KLHDC2: variants seen among roughly 807,000 people sequenced by gnomAD.
The protein encoded by KLHDC2 is kelch domain containing 2.
A neutral mutation model predicts 62.3 loss-of-function variants in KLHDC2; 38 were observed. The observed-to-expected ratio is 0.61, with a 90% CI of 0.47 to 0.80. The LOEUF is 0.80. KLHDC2 is among the 30% of genes least tolerant of loss of function. KLHDC2 has a pLI of 0.00. For missense variants in KLHDC2, 430 were observed against 495.3 expected, an observed-to-expected ratio of 0.87 and a Z score of 1.25; for synonymous variants, 159 against 161.0, an observed-to-expected ratio of 0.99 and a Z score of 0.09.
At chr14:49,768,648 A>T in intron 1 of KLHDC2, 27 bp downstream of exon 1, 1 of 1,552,538 alleles carries the variant, frequency 6.4e-7, no homozygotes, top group African/African-American at 1.4e-5. Flanking sequence ...GCCGCGACGG[A>T]CGTCGCTCGG....
chr14:49,768,766 G>GT (rs60013308), intron 1 of KLHDC2, 145 bp downstream of exon 1: 14,696 of 575,562 alleles, frequency 0.026, 142 homozygotes, highest in African/African-American at 0.08. Context: ...CCCGTTGGTT[G>GT]TTTTTTTTTT....
Position 49,786,235 on chromosome 14 carries a change from A to G in KLHDC2, c.*3282A>G, listed in dbSNP as rs1856478970. The G allele has an allele frequency of 6.3e-6, 1 of 159,768 alleles. No homozygotes were observed. Among genetic ancestry groups the G allele is most frequent in the Admixed American group, 6.0e-5 (1 of 16,634 alleles). 9.9% of individuals were successfully genotyped at this position (159,768 alleles called of 1,614,324 possible). On this transcript the variant is annotated 3_prime_UTR_variant, in exon 13 of 13. Transcript: ENST00000298307. ...AAAGAATTAACCAACCCCTAATGTT[A>G]ATAGTGCCAAAGTTGAGAAACCCTG...
In KLHDC2 at chr14:49,783,544, T is replaced by TTAA. The variant is rs1380636020; in HGVS notation, c.*594_*596dup. ...AGTCAATTAAAAAGTTTTTTTTTAA[T>TTAA]TAATAGGTTTTATAGCTCATGAAGG... On this transcript the variant is annotated 3_prime_UTR_variant, in exon 13 of 13. Coordinates refer to ENST00000298307, the MANE Select transcript of KLHDC2 (RefSeq NM_014315.3). 1.3e-5 allele frequency: 2 copies of TTAA among 152,062 alleles called. No homozygotes were observed. The highest frequency in any genetic ancestry group is 1.5e-5 in the Non-Finnish European group (1 of 68,020). 9.4% of individuals were successfully genotyped at this position (152,062 alleles called of 1,614,324 possible).
rs1418712387 is a variant in KLHDC2, at chr14:49,771,655, A to G, written c.215A>G (p.Asn72Ser). ...CCTAGAGAAGAACTATGGATCTACA[A>G]CATGGAGACTGGAAGATGGTAAATG... ...YLPREELWIY[N>S]METGRWKKIN... The change falls in exon 2 of 13, where the codon AAC becomes AGC. Residue 72 changes from asparagine to serine, a missense_variant. By Grantham distance (46) the Asn-to-Ser change is conservative. Transcript: ENST00000298307. 5 of 1,512,640 alleles carry G rather than the reference A, an allele frequency of 3.3e-6. No individual in the cohort carries two copies. The highest frequency in any genetic ancestry group is 4.6e-6 in the Non-Finnish European group (5 of 1,087,580). 93.7% of individuals were successfully genotyped at this position (1,512,640 alleles called of 1,614,324 possible).
chr14:49,775,098 C>T (rs900622995), intron 3 of KLHDC2, among the ~76,000 whole-genome samples: 3 of 152,150 alleles, frequency 2.0e-5, no homozygotes, highest in Non-Finnish European at 4.4e-5. Context: ...TGTTAACATT[C>T]CTATAAAGTG....
intron 2 of KLHDC2, among the ~76,000 whole-genome samples, chr14:49,773,790 A>G (rs1192163462): frequency 1.3e-5 from 2 of 151,242 alleles, no homozygotes; most frequent in Non-Finnish European, 2.9e-5. Context: ...GTTAAACAGT[A>G]TGGTCTCGAT....
Position 49,782,477 on chromosome 14 carries a change from A to T in KLHDC2, c.1044+20A>T. On this transcript the variant is annotated intron_variant, in intron 11 of 12. Coordinates refer to ENST00000298307, the MANE Select transcript of KLHDC2 (RefSeq NM_014315.3). ...AGAGCTGTAAGTATACTACCTTCAC[A>T]TTATTACTGAAACTTACTTGCAAAG... 1 of 1,600,626 alleles carries T rather than the reference A, an allele frequency of 6.2e-7. No individual in the cohort carries two copies. The highest frequency in any genetic ancestry group is 8.5e-7 in the Non-Finnish European group (1 of 1,170,184).
intron 5 of KLHDC2, 33 bp downstream of exon 5, chr14:49,778,292 C>T (rs775786165): frequency 7.0e-7 from 1 of 1,425,024 alleles, no homozygotes; most frequent in African/African-American, 1.4e-5. Flanking sequence ...ATATGGCCTC[C>T]TTAGTATGTT....
chr14:49,771,746 T>TA, intron 2 of KLHDC2, 73 bp downstream of exon 2: 3 of 796,552 alleles, frequency 3.8e-6, no homozygotes, highest in Non-Finnish European at 6.7e-6. Flanking sequence ...CTCATGCCTA[T>TA]AATCCCAGCA....
rs572038171 is a variant in KLHDC2, at chr14:49,784,897, A to G, written c.*1944A>G. The G allele has an allele frequency of 6.3e-7, 1 of 1,580,744 alleles. No individual in the cohort carries two copies. Among genetic ancestry groups the G allele is most frequent in the African/African-American group, 1.3e-5 (1 of 74,254 alleles). On this transcript the variant is annotated 3_prime_UTR_variant, in exon 13 of 13. Coordinates refer to ENST00000298307, the MANE Select transcript of KLHDC2 (RefSeq NM_014315.3). ...ATTTTAAATTGTACTGTCAGTCTCC[A>G]CATTCCTTTTCTGAAGGAGAACTTT...
rs772206415 is a variant in KLHDC2, at chr14:49,780,273, A to G, written c.834A>G (p.Ser278=). ...RSWHSLTPVS[S]DHLFLFGGFT... is the part of the protein sequence containing the mutation. ...GGCACTCACTAACACCAGTTTCTTC[A>G]GATCATCTTTTTCTCTTTGGAGGAT... Residue 278 remains serine (S), a synonymous_variant, in exon 9 of 13, where the codon TCA becomes TCG. Coordinates refer to ENST00000298307, the MANE Select transcript of KLHDC2 (RefSeq NM_014315.3). 23 of 1,613,836 alleles carry G rather than the reference A, an allele frequency of 1.4e-5. No homozygotes were observed. Among genetic ancestry groups the G allele is most frequent in the Non-Finnish European group, 1.9e-5 (22 of 1,179,712 alleles).
intron 1 of KLHDC2, 95 bp downstream of exon 1, chr14:49,768,716 GCGCTCCCCGCCTGCGT>G: frequency 8.2e-7 from 1 of 1,225,918 alleles, no homozygotes; most frequent in South Asian, 1.7e-5. Context: ...GCCGCCGAGG[GCGCTCCCCGCCTGCGT>G]CGCGCGCCCC....
chr14:49,773,027 G>A (rs1889695427), intron 2 of KLHDC2, among the ~76,000 whole-genome samples: 1 of 152,166 alleles, frequency 6.6e-6, no homozygotes, highest in South Asian at 2.1e-4. Context: ...ACAAATTGGT[G>A]TTAATATGAA....
rs1555344231 is a variant in KLHDC2, at chr14:49,785,902, A to AAAG, written c.*2951_*2952insGAA. ...GAGACCCTGTCTCAAAAAAAAAAAA[A>AAAG]AAAGGAAAAAAACTATTGGATATTA... On this transcript the variant is annotated 3_prime_UTR_variant, in exon 13 of 13. Transcript: ENST00000298307. 2 of 153,162 alleles carry AAAG rather than the reference A, an allele frequency of 1.3e-5. No individual in the cohort carries two copies. Among genetic ancestry groups the AAAG allele is most frequent in the East Asian group, 1.9e-4 (1 of 5,246 alleles). The allele number at this position is 153,162 out of a possible 1,614,324, so 9.5% of individuals were successfully genotyped here.
chr14:49,768,827 C>T (rs994465479), intron 1 of KLHDC2: 4 of 527,536 alleles, frequency 7.6e-6, no homozygotes, highest in Non-Finnish European at 9.9e-6. Context: ...CTCGAACCTC[C>T]AGGGCTGCTG....
At position 49,768,411 on chromosome 14, in the gene KLHDC2, GTTTT is replaced by G; in HGVS notation, c.-54_-51del. The G allele has an allele frequency of 6.4e-7, 1 of 1,567,248 alleles. No individual in the cohort carries two copies. The highest frequency in any genetic ancestry group is 8.7e-7 in the Non-Finnish European group (1 of 1,155,816). ...CTGTGCATTTCTCTCCTTTTCCTTT[GTTTT>G]TTTGGCCCCTCGCGGGTGTGGGCAT... On this transcript the variant is annotated 5_prime_UTR_variant, in exon 1 of 13. Coordinates refer to ENST00000298307, the MANE Select transcript of KLHDC2 (RefSeq NM_014315.3).
intron 3 of KLHDC2, among the ~76,000 whole-genome samples, chr14:49,777,527 A>G (rs1889797428): frequency 6.6e-6 from 1 of 151,706 alleles, no homozygotes; most frequent in Non-Finnish European, 1.5e-5. Flanking sequence ...CCAGGAGTTT[A>G]GGTTACAGTA....
intron 10 of KLHDC2, among the ~76,000 whole-genome samples, chr14:49,781,458 C>T (rs942377283): frequency 7.3e-5 from 11 of 150,368 alleles, no homozygotes; most frequent in Admixed American, 2.0e-4. Context: ...AGTGGGATTA[C>T]AGGATTACAG....
At chr14:49,777,589 T>TA (rs11379959) in intron 3 of KLHDC2, among the ~76,000 whole-genome samples, 24,059 of 144,332 alleles carry the variant, frequency 0.17, 2,160 homozygotes, top group Non-Finnish European at 0.22. Flanking sequence ...CCCTGTCTCT[T>TA]AAAAAAAAAA....
Sources: allele counts gnomAD v4.1 joint callset (sites outside exome capture counted in the v4.1 genomes callset), GRCh38; gene constraint gnomAD v4.1.1; transcripts MANE v1.5; gene names NCBI Gene and HGNC (gene_info 2026-07-23, HGNC 2026-07-21).